The following SHTN1 variants were observed in gnomAD, a reference collection of about 807,000 sequenced individuals.
SHTN1 encodes shootin-1.
Under a neutral mutation model 83.1 loss-of-function variants are expected in SHTN1, and 42 were observed. The ratio of observed to expected loss-of-function variants is 0.51; its 90% CI spans 0.39 to 0.65. SHTN1 has a LOEUF of 0.65. Ranked by LOEUF, SHTN1 falls within the 30% of genes least tolerant of loss-of-function variation. The pLI is 0.00. For missense variants in SHTN1, 622 were observed against 737.8 expected (o/e 0.84, Z 1.82); for synonymous variants, 224 against 247.7 (o/e 0.90, Z 0.90).
chr10:117,018,507 T>TA (rs749150327), intron 2 of SHTN1, among the ~76,000 whole-genome samples: 8 of 129,502 alleles, frequency 6.2e-5, no homozygotes, highest in East Asian at 2.2e-4. Flanking sequence ...GTATTTTTTT[T>TA]AAAAAAAAAA....
chr10:116,987,331 C>T (rs1851254164), intron 1 of SHTN1, among the ~76,000 whole-genome samples: 1 of 152,144 alleles, frequency 6.6e-6, no homozygotes, highest in African/African-American at 2.4e-5. Context: ...ACGTTACCAC[C>T]ACCCTAATGT....
chr10:117,095,110 A>C (rs1291686796), intron 1 of SHTN1, among the ~76,000 whole-genome samples: 2 of 152,196 alleles, frequency 1.3e-5, no homozygotes, highest in Non-Finnish European at 2.9e-5. Flanking sequence ...CGAATATCAA[A>C]GCCGTGAGGA....
At chr10:117,052,501 G>A (rs1263612407) in intron 1 of SHTN1, among the ~76,000 whole-genome samples, 2 of 151,818 alleles carry the variant, frequency 1.3e-5, no homozygotes, top group African/African-American at 2.4e-5. Flanking sequence ...CAAAGTTGGA[G>A]GACTCACACT....
chr10:117,120,463 C>T (rs910832907), intron 1 of SHTN1, among the ~76,000 whole-genome samples: 1 of 151,846 alleles, frequency 6.6e-6, no homozygotes, highest in East Asian at 1.9e-4. Context: ...TTGGCCAGGC[C>T]GGTCTCAAAC....
Position 116,911,691 on chromosome 10 carries a change from G to C in SHTN1, c.1359+99C>G, listed in dbSNP as rs1245134827. 5.1e-6 allele frequency: 8 copies of C among 1,578,486 alleles called. No individual in the cohort carries two copies. The East Asian group carries it at 1.8e-4, about 35-fold the overall frequency. ...CAAAGATGAGGCTAATTGTAAATGG[G>C]AATAAAACACACCACAAACAATTCA... is the stretch of plus-strand genomic sequence containing the variant. On this transcript the variant is annotated intron_variant, in intron 14 of 16. Coordinates refer to ENST00000355371, the MANE Select transcript of SHTN1 (RefSeq NM_001127211.3).
In SHTN1 at chr10:116,887,413, C is replaced by T. The variant is rs531823259; in HGVS notation, c.1674-847G>A. On this transcript the variant is annotated intron_variant, in intron 16 of 16. Coordinates refer to ENST00000355371, the MANE Select transcript of SHTN1 (RefSeq NM_001127211.3). ...CTGCAGCAGGCAGGGCTGGGGCTTT[C>T]GGACTTTTCTGGTCTTTTTGGAAAA... Among the ~76,000 whole-genome samples the T allele has an allele frequency of 7.9e-5, 12 of 152,242 alleles. No individual in the cohort carries two copies. The South Asian group carries it at 1.2e-3, about 16-fold the overall frequency.
intron 12 of SHTN1, among the ~76,000 whole-genome samples, chr10:116,916,166 G>T (rs990866198): frequency 6.6e-6 from 1 of 151,960 alleles, no homozygotes; most frequent in Admixed American, 6.6e-5. Context: ...ATTGTTTAAC[G>T]TTGCCACTAT....
intron 1 of SHTN1, among the ~76,000 whole-genome samples, chr10:117,062,828 T>C (rs1010034423): frequency 3.3e-5 from 5 of 152,192 alleles, no homozygotes; most frequent in Non-Finnish European, 5.9e-5. Flanking sequence ...CTTCCCCTTA[T>C]GGTCAATAAA....
intron 2 of SHTN1, among the ~76,000 whole-genome samples, chr10:117,028,256 C>T (rs1488856970): frequency 6.6e-6 from 1 of 152,076 alleles, no homozygotes; most frequent in Non-Finnish European, 1.5e-5. Context: ...CTTCTAATAG[C>T]CTTTGTTCAT....
intron 9 of SHTN1, among the ~76,000 whole-genome samples, chr10:116,932,937 C>G (rs1470373704): frequency 6.6e-6 from 1 of 152,178 alleles, no homozygotes; most frequent in African/African-American, 2.4e-5. Context: ...CTGTAAGTAG[C>G]TGGACTTTTC....
chr10:116,957,147 A>C (rs1177325314), intron 4 of SHTN1, among the ~76,000 whole-genome samples: 2 of 152,034 alleles, frequency 1.3e-5, no homozygotes, highest in Non-Finnish European at 2.9e-5. Flanking sequence ...TGAATTCACA[A>C]ATTTTGGCTA....
chr10:117,049,017 T>C (rs1005343033), intron 1 of SHTN1, among the ~76,000 whole-genome samples: 3 of 152,192 alleles, frequency 2.0e-5, no homozygotes, highest in East Asian at 1.9e-4. Flanking sequence ...TTGGGGACCA[T>C]ATCTATCAAG....
At chr10:116,915,510 C>G in intron 12 of SHTN1, 26 bp from the exon 13 acceptor site, 1 of 1,304,248 alleles carries the variant, frequency 7.7e-7, no homozygotes, top group South Asian at 1.2e-5. Context: ...AGACATAAAT[C>G]CTCTTATGTT....
intron 1 of SHTN1, among the ~76,000 whole-genome samples, chr10:117,089,901 CA>C (rs1853404008): frequency 6.6e-6 from 1 of 151,862 alleles, no homozygotes; most frequent in Admixed American, 6.6e-5. Flanking sequence ...TCAAAAAACA[CA>C]AAACAAAAAA....
chr10:116,958,082 C>G (rs1040539007), intron 4 of SHTN1, among the ~76,000 whole-genome samples: 1 of 151,994 alleles, frequency 6.6e-6, no homozygotes, highest in Non-Finnish European at 1.5e-5. Flanking sequence ...AAGAAAATTA[C>G]GAGGTCAAGC....
At chr10:116,971,391 G>A (rs1386997107) in intron 2 of SHTN1, among the ~76,000 whole-genome samples, 1 of 152,146 alleles carries the variant, frequency 6.6e-6, no homozygotes, top group South Asian at 2.1e-4. Context: ...TGATTTTTTG[G>A]TGTTTAAAAT....
Position 116,882,281 on chromosome 10 carries a change from T to G in SHTN1, c.*4063A>C, listed in dbSNP as rs1414119339. 6.6e-6 allele frequency: 1 copy of G among 152,100 alleles called. No individual in the cohort carries two copies. The highest frequency in any genetic ancestry group is 1.5e-5 in the Non-Finnish European group (1 of 68,034). 9.4% of individuals were successfully genotyped at this position (152,100 alleles called of 1,614,324 possible). A position where few individuals can be genotyped will look rare whatever the true frequency, so the allele number is the denominator to read the frequency against. On this transcript the variant is annotated 3_prime_UTR_variant, in exon 17 of 17. Transcript: ENST00000355371. ...TCTTTGCGAGTCTTCTTAGATCCTT[T>G]TTGGAGTAAGAATGAGTATAAATGA...
intron 16 of SHTN1, chr10:116,901,299 T>C (rs1847725548): frequency 3.0e-6 from 3 of 985,256 alleles, no homozygotes; most frequent in Non-Finnish European, 2.4e-6. Flanking sequence ...ACATAGTATG[T>C]TTTCATTTTC....
intron 1 of SHTN1, among the ~76,000 whole-genome samples, chr10:117,056,855 C>T (rs555996385): frequency 6.6e-6 from 1 of 152,152 alleles, no homozygotes; most frequent in South Asian, 2.1e-4. Flanking sequence ...AAAACAAAAA[C>T]CCTTAGCAAA....
Sources: gnomAD v4.1 joint callset for allele counts (sites outside exome capture counted in the v4.1 genomes callset) on GRCh38, gnomAD v4.1.1 for gene constraint, MANE v1.5 for transcripts, NCBI Gene and HGNC (gene_info 2026-07-23, HGNC 2026-07-21) for gene names.